The following TRIM65 variants were observed in gnomAD, a reference collection of about 807,000 sequenced individuals.
The protein encoded by TRIM65 is E3 ubiquitin-protein ligase TRIM65.
TRIM65 carries 46 observed loss-of-function variants against 36.1 expected under a neutral mutation model. The ratio of observed to expected loss-of-function variants is 1.27; its 90% CI spans 1.01 to 1.63. TRIM65 has a LOEUF of 1.63. TRIM65 is among the 40% of genes most tolerant of loss of function. TRIM65 has a pLI of 0.00. For missense variants in TRIM65, 708 were observed against 696.6 expected, an observed-to-expected ratio of 1.02 and a Z score of -0.18; for synonymous variants, 346 against 313.6, an observed-to-expected ratio of 1.10 and a Z score of -1.09.
chr17:75,891,726 T>C lies in TRIM65; in HGVS notation c.985+87A>G, dbSNP rs1271040049. 8 of 1,495,436 alleles carry C rather than the reference T, an allele frequency of 5.3e-6. No individual in the cohort carries two copies. In the Admixed American group the frequency reaches 1.6e-4, roughly 30 times the overall value. The allele number at this position is 1,495,436 out of a possible 1,614,324, so 92.6% of individuals were successfully genotyped here. ...CCTCACTCACACGTGCATACGAACA[T>C]GCACACACACACGTGCTCACAGCAC... On this transcript the variant is annotated intron_variant, in intron 5 of 5. Coordinates refer to ENST00000269383, the MANE Select transcript of TRIM65 (RefSeq NM_173547.4).
chr17:75,886,439 G>T (rs1168746857), downstream of TRIM65, among the ~76,000 whole-genome samples: 1 of 150,138 alleles, frequency 6.7e-6, no homozygotes, highest in Non-Finnish European at 1.5e-5. Context: ...GGAGAATGGC[G>T]TGAACCCAGG....
downstream of TRIM65, among the ~76,000 whole-genome samples, chr17:75,886,000 G>A (rs751016522): frequency 2.0e-5 from 3 of 152,138 alleles, no homozygotes; most frequent in East Asian, 3.9e-4. Context: ...CCCACGTGTC[G>A]TGGGAGGGAC....
Position 75,891,363 on chromosome 17 carries a change from G to A in TRIM65, c.986-16C>T, listed in dbSNP as rs1177880152. On this transcript the variant is annotated splice_polypyrimidine_tract_variant and intron_variant, in intron 5 of 5. Transcript: ENST00000269383. ...TTGCGATAATCTGTTGGGGAAAGGA[G>A]GACAGCAGTGGGCTGGGGGAAGACA... is the stretch of plus-strand genomic sequence containing the variant. The A allele has an allele frequency of 1.2e-6, 2 of 1,612,248 alleles. No individual in the cohort carries two copies. Among genetic ancestry groups the A allele is most frequent in the South Asian group, 2.2e-5 (2 of 91,036 alleles).
At chr17:75,883,163 C>A (rs1408462533) in intron 4 of TRIM65, among the ~76,000 whole-genome samples, 1 of 147,750 alleles carries the variant, frequency 6.8e-6, no homozygotes, top group African/African-American at 2.6e-5. Context: ...TTTCCCCCAG[C>A]TGGAGTGCAG....
At chr17:75,880,174 C>T (rs1398826431), downstream of TRIM65, among the ~76,000 whole-genome samples, 1 of 150,698 alleles carries the variant, frequency 6.6e-6, no homozygotes, top group African/African-American at 2.5e-5. Flanking sequence ...AGCGTGGCTT[C>T]CTTCTGCAGG....
chr17:75,894,122 T>C (rs1460714474), intron 1 of TRIM65, among the ~76,000 whole-genome samples: 1 of 152,124 alleles, frequency 6.6e-6, no homozygotes, highest in African/African-American at 2.4e-5. Context: ...CTCTGACCAC[T>C]GCCTTCGTGC....
chr17:75,884,102 C>T (rs1299625484), downstream of TRIM65, among the ~76,000 whole-genome samples: 1 of 151,780 alleles, frequency 6.6e-6, no homozygotes, highest in Non-Finnish European at 1.5e-5. Flanking sequence ...TGGGCCACTG[C>T]ACTCCAGCCT....
chr17:75,892,987 CG>C (rs781268935), intron 1 of TRIM65, 137 bp from the exon 2 acceptor site: 351 of 718,714 alleles, frequency 4.9e-4, no homozygotes, highest in Middle Eastern at 8.0e-4. Flanking sequence ...TCCAGAGCAC[CG>C]GCCTCGGTCT....
chr17:75,886,332 C>G (rs945992120), downstream of TRIM65, among the ~76,000 whole-genome samples: 26 of 151,994 alleles, frequency 1.7e-4, no homozygotes, highest in Non-Finnish European at 3.5e-4. Flanking sequence ...ACCATCCTGG[C>G]TAACGTGGTG....
chr17:75,892,806 G>T lies in TRIM65; in HGVS notation c.459C>A (p.Thr153=). The T allele has an allele frequency of 6.2e-7, 1 of 1,604,292 alleles. No homozygotes were observed. ...ASLEVTQQQA[T]QAEGQLLELR... Reference sequence around the variant, plus strand: ...GCTCTAGTAGCTGGCCTTCGGCCTGGGTGGCCTGCTGCTGGGTAACCTCCA... The same window carrying T: ...GCTCTAGTAGCTGGCCTTCGGCCTGTGTGGCCTGCTGCTGGGTAACCTCCA... Residue 153 remains threonine, a synonymous_variant, in exon 2 of 6, where the codon ACC becomes ACA. Coordinates refer to ENST00000269383, the MANE Select transcript of TRIM65 (RefSeq NM_173547.4).
Position 75,892,049 on chromosome 17 carries a change from G to A in TRIM65, c.881C>T (p.Pro294Leu), listed in dbSNP as rs1179085820. The change falls in exon 4 of 6, where the codon CCT becomes CTT. Residue 294 changes from proline to leucine, a missense_variant. By Grantham distance (98) the Pro-to-Leu change is moderately conservative. Transcript: ENST00000269383. ...GTCCACAGGCTTGGCTGGTGCCCCA[G>A]GGTGGCTCCCCTCTTCCAAGAGGAG... ...CGLLLEEGSH[P>L]GAPAKPVDLA... The A allele has an allele frequency of 3.2e-6, 5 of 1,551,308 alleles. No individual in the cohort carries two copies. In the African/African-American group the frequency reaches 6.8e-5, roughly 21 times the overall value.
rs1173013017 is a variant in TRIM65 at position 75,892,174 on chromosome 17, G to A, written c.756C>T (p.Leu252=). 3 of 1,570,278 alleles carry A rather than the reference G, an allele frequency of 1.9e-6. No individual in the cohort carries two copies. In the African/African-American group the frequency reaches 4.1e-5, roughly 21 times the overall value. The change falls in exon 4 of 6, where the codon CTC becomes CTT. Residue 252 remains leucine (L), a synonymous_variant. Transcript: ENST00000269383. ...DEQTFLQESQ[L]LQPPGPLGPL... ...GCCCAAGAGGCCCTGGGGGCTGGAG[G>A]AGCTGCGATTCCTGAGCCCCAGGGA...
downstream of TRIM65, among the ~76,000 whole-genome samples, chr17:75,885,165 A>G (rs553774570): frequency 2.8e-4 from 42 of 152,216 alleles, no homozygotes; most frequent in Admixed American, 1.8e-3. Flanking sequence ...TGACCTCGTG[A>G]TCCACCTGCC....
intron 1 of TRIM65, among the ~76,000 whole-genome samples, chr17:75,893,450 C>T (rs1269836210): frequency 7.2e-5 from 11 of 152,116 alleles, no homozygotes; most frequent in Non-Finnish European, 1.5e-5. Context: ...GGAAGGGACC[C>T]CTATTCGGTT....
intron 4 of TRIM65, among the ~76,000 whole-genome samples, chr17:75,882,558 C>G (rs1315075152): frequency 6.6e-6 from 1 of 150,494 alleles, no homozygotes; most frequent in Non-Finnish European, 1.5e-5. Context: ...AGTTGTTTGC[C>G]TAGTGTATTA....
At chr17:75,881,235 C>CA (rs58718762) in intron 4 of TRIM65, among the ~76,000 whole-genome samples, 44,068 of 103,006 alleles carry the variant, frequency 0.43, 10,436 homozygotes, top group East Asian at 0.6. Flanking sequence ...GACTCCATCT[C>CA]AAAAAAAAAA....
chr17:75,884,771 A>G (rs2065194491), downstream of TRIM65, among the ~76,000 whole-genome samples: 1 of 152,122 alleles, frequency 6.6e-6, no homozygotes, highest in Non-Finnish European at 1.5e-5. Flanking sequence ...GGCGCACGCC[A>G]CCATGCCAGG....
chr17:75,890,579 C>A lies in TRIM65; in HGVS notation c.*200G>T. On this transcript the variant is annotated 3_prime_UTR_variant, in exon 6 of 6. Transcript: ENST00000269383. ...TCTGGGGCAAGGGCATCCCATTTAT[C>A]CCCCTCCTAGACTGTGTCCCCTTCA... The A allele has an allele frequency of 2.0e-6, 1 of 502,298 alleles. No individual in the cohort carries two copies. The allele number at this position is 502,298 out of a possible 1,614,324, so 31.1% of individuals were successfully genotyped here. A position where few individuals can be genotyped will look rare whatever the true frequency, so the allele number is the denominator to read the frequency against.
At chr17:75,887,239 C>T (rs1286592383), downstream of TRIM65, among the ~76,000 whole-genome samples, 1 of 151,278 alleles carries the variant, frequency 6.6e-6, no homozygotes, top group African/African-American at 2.4e-5. Context: ...GTGTGGATCC[C>T]TTTGGGAGGC....
Sources: gnomAD v4.1 joint callset for allele counts (sites outside exome capture counted in the v4.1 genomes callset) on GRCh38, gnomAD v4.1.1 for gene constraint, MANE v1.5 for transcripts, NCBI Gene and HGNC (gene_info 2026-07-23, HGNC 2026-07-21) for gene names.